The following LIPE variants were observed in gnomAD, a reference collection of about 807,000 sequenced individuals.
LIPE encodes the protein lipase E, hormone sensitive type.
Under a neutral mutation model 88.5 loss-of-function variants are expected in LIPE, and 66 were observed. That is an observed-to-expected ratio of 0.75 (90% CI 0.61 to 0.91). The LOEUF is 0.91. LIPE is among the 40% of genes least tolerant of loss of function. The pLI, the probability that LIPE is intolerant of heterozygous loss-of-function variation, is 0.00. For missense variants in LIPE, 1,346 were observed against 1,434.7 expected, an observed-to-expected ratio of 0.94 and a Z score of 1.00; for synonymous variants, 570 against 617.5, an observed-to-expected ratio of 0.92 and a Z score of 1.14.
Position 42,401,821 on chromosome 19 carries a change from C to T in LIPE, c.3222G>A (p.Gly1074=), listed in dbSNP as rs762000053. The change falls in exon 10 of 10, where the codon GGG becomes GGA. Residue 1074 remains glycine, a synonymous_variant. Coordinates refer to ENST00000244289, the MANE Select transcript of LIPE (RefSeq NM_005357.4). ...TGGGAACAACAGGCTTTTAGTGTCG[C>T]CCCCCGCAGCCCCCGTCTACCCCCG... ...GAAGVDGGCG[G]RH is the part of the protein sequence containing the mutation. 4 of 1,480,158 alleles carry T rather than the reference C, an allele frequency of 2.7e-6. No homozygotes were observed. Among genetic ancestry groups the T allele is most frequent in the Middle Eastern group, 4.9e-4 (2 of 4,122 alleles). The allele number at this position is 1,480,158 out of a possible 1,614,324, so 91.7% of individuals were successfully genotyped here.
In LIPE at chr19:42,402,751, G is replaced by T. The variant is rs761166857; in HGVS notation, c.2823C>A (p.Phe941Leu). Residue 941 changes from phenylalanine to leucine, a missense_variant, in exon 9 of 10, where the codon TTC becomes TTA. Coordinates refer to ENST00000244289, the MANE Select transcript of LIPE (RefSeq NM_005357.4). ...MDRGLGVRAA[F>L]PEGFHPRRSS... The stretch of plus-strand genomic sequence containing the variant: ...AGCGTCGGGGGTGGAAACCCTCGGG[G>T]AAGGCGGCACGGACGCCCAGGCCTC... 6.3e-7 allele frequency: 1 copy of T among 1,578,112 alleles called. No homozygotes were observed. The highest frequency in any genetic ancestry group is 8.6e-7 in the Non-Finnish European group (1 of 1,156,264).
At chr19:42,409,482 C>T (rs368772086) in intron 2 of LIPE, among the ~76,000 whole-genome samples, 1 of 151,318 alleles carries the variant, frequency 6.6e-6, no homozygotes, top group Non-Finnish European at 1.5e-5. Context: ...AAGGGATTGG[C>T]GGGTTCTTCT....
chr19:42,412,576 C>T, intron 1 of LIPE: 1 of 986,842 alleles, frequency 1.0e-6, no homozygotes. Context: ...CACCTGCTCC[C>T]AGACTCAGCT....
Position 42,427,313 on chromosome 19 carries a change from G to C in LIPE, c.-164C>G. On this transcript the variant is annotated 5_prime_UTR_variant, in exon 1 of 10. Transcript: ENST00000244289. ...CTGGTCTTCCTTTTTAAGGCAGCTG[G>C]CAGTTGGCCGATCACAGCTGGCCCC... 7.4e-7 allele frequency: 1 copy of C among 1,351,510 alleles called. No homozygotes were observed. The allele number at this position is 1,351,510 out of a possible 1,614,324, so 83.7% of individuals were successfully genotyped here. A position where few individuals can be genotyped will look rare whatever the true frequency, so the allele number is the denominator to read the frequency against.
chr19:42,403,241 A>ATGTGTG (rs56983822), intron 8 of LIPE, among the ~76,000 whole-genome samples: 150 of 91,996 alleles, frequency 1.6e-3, no homozygotes, highest in South Asian at 2.7e-3. Flanking sequence ...CTAGTGAAGG[A>ATGTGTG]TGTGTGTGTG....
rs2040272852 is a variant in LIPE at position 42,408,657 on chromosome 19, G to A, written c.1420-335C>T. On this transcript the variant is annotated intron_variant, in intron 2 of 9. Coordinates refer to ENST00000244289, the MANE Select transcript of LIPE (RefSeq NM_005357.4). The surrounding 1 kb of genome is among the most constrained non-coding windows in gnomAD (Gnocchi z 4.3). ...CTCGGAGGAGAGATCTGACTGAAGCGAGGGGAGGGTGTTCCCTGCACAGGG... is the reference window on the plus strand; with the variant it reads ...CTCGGAGGAGAGATCTGACTGAAGCAAGGGGAGGGTGTTCCCTGCACAGGG... 1.3e-5 allele frequency among the ~76,000 whole-genome samples: 2 copies of A among 151,870 alleles called. No homozygotes were observed.
rs983931181 is a variant in LIPE at position 42,403,622 on chromosome 19, G to GT, written c.2543-592dup. Among the ~76,000 whole-genome samples the GT allele has an allele frequency of 5.8e-3, 856 of 146,618 alleles. 4 individuals carry two copies. Among genetic ancestry groups the GT allele is most frequent in the Non-Finnish European group, 8.2e-3 (540 of 66,040 alleles). On this transcript the variant is annotated intron_variant, in intron 8 of 9. Transcript: ENST00000244289. ...GCCACCATGCCCGGCTAATTTTTGT[G>GT]TTTTTTTTTTAGCAGAGATGGGGTT... is the stretch of plus-strand genomic sequence containing the variant.
intron 1 of LIPE, among the ~76,000 whole-genome samples, chr19:42,421,363 C>T (rs2040595107): frequency 6.6e-6 from 1 of 152,220 alleles, no homozygotes; most frequent in Non-Finnish European, 1.5e-5. Flanking sequence ...CACTTAACGC[C>T]TGTCCATCTT....
In LIPE at chr19:42,427,377, A is replaced by T. The variant is rs2040726882; in HGVS notation, c.-228T>A. Reference sequence around the variant, plus strand: ...ACTCTGTGCCTCTTTCTTTGGTGGGAGGATTAGGAATAGGAGGAGGCTATG... The same window carrying T: ...ACTCTGTGCCTCTTTCTTTGGTGGGTGGATTAGGAATAGGAGGAGGCTATG... On this transcript the variant is annotated 5_prime_UTR_variant, in exon 1 of 10. Transcript: ENST00000244289. 4 of 670,800 alleles carry T rather than the reference A, an allele frequency of 6.0e-6. No individual in the cohort carries two copies. The East Asian group carries it at 1.3e-4, about 22-fold the overall frequency. The allele number at this position is 670,800 out of a possible 1,614,324, so 41.6% of individuals were successfully genotyped here.
Position 42,410,668 on chromosome 19 carries a change from C to G in LIPE, c.1058G>C (p.Gly353Ala). Residue 353 changes from glycine (G) to alanine (A), a missense_variant, in exon 2 of 10, where the codon GGC (glycine) becomes GCC (alanine). Coordinates refer to ENST00000244289, the MANE Select transcript of LIPE (RefSeq NM_005357.4). This position sits in a 1 kb window ranked among gnomAD's most constrained non-coding sequence, Gnocchi z 6.1. ...GAGGTGCGCCACACCCAGCAGGCGG[C>G]CCAGGGCCGGCTCCAGCCCCAGCGC... is the stretch of plus-strand genomic sequence containing the variant. ...EQALGLEPAL[G>A]RLLGVAHLFD... 6.2e-7 allele frequency: 1 copy of G among 1,612,064 alleles called. No individual in the cohort carries two copies. Among genetic ancestry groups the G allele is most frequent in the Non-Finnish European group, 8.5e-7 (1 of 1,178,740 alleles).
In LIPE at chr19:42,406,133, G is replaced by A. The variant is rs1009153753; in HGVS notation, c.2365+28C>T. 6.4e-7 allele frequency: 1 copy of A among 1,572,460 alleles called. No homozygotes were observed. Reference sequence around the variant, plus strand: ...AGGAGTCAGACATCCATGCAGTCCTGTTTCCCTGCTGAGGGTGTGGGCCTC... The same window carrying A: ...AGGAGTCAGACATCCATGCAGTCCTATTTCCCTGCTGAGGGTGTGGGCCTC... On this transcript the variant is annotated intron_variant, in intron 7 of 9. Coordinates refer to ENST00000244289, the MANE Select transcript of LIPE (RefSeq NM_005357.4). This position sits in a 1 kb window ranked among gnomAD's most constrained non-coding sequence, Gnocchi z 5.7.
Position 42,410,719 on chromosome 19 carries a change from C to T in LIPE, c.1007G>A (p.Gly336Asp). 6.2e-7 allele frequency: 1 copy of T among 1,613,884 alleles called. No individual in the cohort carries two copies. Among genetic ancestry groups the T allele is most frequent in the Non-Finnish European group, 8.5e-7 (1 of 1,179,820 alleles). ...CTGCTCCCGTACACCGGCAAAAACG[C>T]CTGACAGCCGCTGGGCCGTTTCCCC... ...GPGETAQRLSGVFAGVREQAL... is the reference protein window; with the variant it reads ...GPGETAQRLSDVFAGVREQAL... The change falls in exon 2 of 10, where the codon GGC becomes GAC. Residue 336 changes from glycine (G) to aspartate (D), a missense_variant. By Grantham distance (94) the Gly-to-Asp change is moderately conservative. Coordinates refer to ENST00000244289, the MANE Select transcript of LIPE (RefSeq NM_005357.4). The surrounding 1 kb of genome is among the most constrained non-coding windows in gnomAD (Gnocchi z 6.1).
chr19:42,402,035 A>T lies in LIPE; in HGVS notation c.3008T>A (p.Leu1003His). ...GCCCAGGTTGCGCAGTCGCCGCGCG[A>T]GCATGACCGAGTCGTCCAGCATGGG... ...LDPMLDDSVMLARRLRNLGQP... is the reference protein window; with the variant it reads ...LDPMLDDSVMHARRLRNLGQP... Residue 1003 changes from leucine to histidine, a missense_variant, in exon 10 of 10, where the codon CTC becomes CAC. Transcript: ENST00000244289. 6.5e-7 allele frequency: 1 copy of T among 1,531,502 alleles called. No homozygotes were observed. The highest frequency in any genetic ancestry group is 2.5e-5 in the East Asian group (1 of 39,744). The allele number at this position is 1,531,502 out of a possible 1,614,324, so 94.9% of individuals were successfully genotyped here.
chr19:42,401,717 A>AGGCC lies in LIPE; in HGVS notation c.*94_*95insGGCC. ...CGGGCCCCCGCCCCGCCCCCTTGCC[A>AGGCC]CCCCCGACTTAAGTAAGGCACAGCC... On this transcript the variant is annotated 3_prime_UTR_variant, in exon 10 of 10. Coordinates refer to ENST00000244289, the MANE Select transcript of LIPE (RefSeq NM_005357.4). 2 of 30,752 alleles carry AGGCC rather than the reference A, an allele frequency of 6.5e-5. No homozygotes were observed. The highest frequency in any genetic ancestry group is 1.2e-4 in the Non-Finnish European group (2 of 16,634). 1.9% of individuals were successfully genotyped at this position (30,752 alleles called of 1,614,324 possible).
Position 42,410,782 on chromosome 19 carries a change from G to A in LIPE, c.944C>T (p.Ala315Val), listed in dbSNP as rs985795736. The A allele has an allele frequency of 5.6e-6, 9 of 1,603,388 alleles. No homozygotes were observed. The highest frequency in any genetic ancestry group is 4.0e-5 in the African/African-American group (3 of 74,676). ...RTMTQSLVTL[A>V]EDNIAFFSSQ... Reference sequence around the variant, plus strand: ...CGAGAAGAAGGCTATGTTGTCCTCCGCCAGAGTCACCAGCGACTGTGTCAT... The same window carrying A: ...CGAGAAGAAGGCTATGTTGTCCTCCACCAGAGTCACCAGCGACTGTGTCAT... Residue 315 changes from alanine (A) to valine (V), a missense_variant, in exon 2 of 10, where the codon GCG becomes GTG. By Grantham distance (64) the Ala-to-Val change is moderately conservative. Coordinates refer to ENST00000244289, the MANE Select transcript of LIPE (RefSeq NM_005357.4). The surrounding 1 kb of genome is among the most constrained non-coding windows in gnomAD (Gnocchi z 6.1).
intron 1 of LIPE, chr19:42,425,081 G>A (rs2040683611): frequency 9.9e-6 from 2 of 201,742 alleles, no homozygotes; most frequent in South Asian, 1.5e-4. Flanking sequence ...GCTGGACTGA[G>A]TCCCCTATGG....
rs763482493 is a variant in LIPE, at chr19:42,410,709, G to A, written c.1017C>T (p.Ala339=). Residue 339 remains alanine (A), a synonymous_variant, in exon 2 of 10, where the codon GCC becomes GCT. Coordinates refer to ENST00000244289, the MANE Select transcript of LIPE (RefSeq NM_005357.4). This position sits in a 1 kb window ranked among gnomAD's most constrained non-coding sequence, Gnocchi z 6.1. ...GCCCCAGCGCCTGCTCCCGTACACCGGCAAAAACGCCTGACAGCCGCTGGG... is the reference window on the plus strand; with the variant it reads ...GCCCCAGCGCCTGCTCCCGTACACCAGCAAAAACGCCTGACAGCCGCTGGG... ...ETAQRLSGVF[A]GVREQALGLE... is the part of the protein sequence containing the mutation. The A allele has an allele frequency of 2.5e-5, 40 of 1,613,562 alleles. 1 individual carries two copies. In the East Asian group the frequency reaches 3.1e-4, roughly 13 times the overall value.
intron 1 of LIPE, among the ~76,000 whole-genome samples, chr19:42,420,219 C>T (rs1011918930): frequency 6.6e-6 from 1 of 152,048 alleles, no homozygotes; most frequent in Admixed American, 6.6e-5. Context: ...AGCTGCTGAT[C>T]TCTGCTGTGT....
At chr19:42,405,829 G>A (rs1292773997) in intron 7 of LIPE, 3 of 546,216 alleles carry the variant, frequency 5.5e-6, no homozygotes, top group Non-Finnish European at 9.8e-6. Flanking sequence ...TAGTGGTGGT[G>A]CACGCCTGTA....
Sources: gnomAD v4.1 joint callset for allele counts (sites outside exome capture counted in the v4.1 genomes callset) on GRCh38, gnomAD v4.1.1 for gene constraint, Gnocchi (gnomAD v3.1) non-coding constraint, MANE v1.5 for transcripts, NCBI Gene and HGNC (gene_info 2026-07-23, HGNC 2026-07-21) for gene names.